TSBP1: variants seen among roughly 807,000 people sequenced by gnomAD.
The protein encoded by TSBP1 is testis expressed basic protein 1.
A neutral mutation model predicts 68.8 loss-of-function variants in TSBP1; 56 were observed. That is an observed-to-expected ratio of 0.81 (90% CI 0.66 to 1.02). The LOEUF (loss-of-function observed/expected upper bound fraction) is 1.02, where lower values mean the gene tolerates loss of function less well. TSBP1 is among the 50% of genes least tolerant of loss of function. The probability of loss-of-function intolerance (pLI) is 0.00; values close to 1 mark genes in which losing one functional copy is unlikely to be tolerated. For missense variants in TSBP1, 502 were observed against 641.2 expected (o/e 0.78, Z 2.34); for synonymous variants, 171 against 208.7 (o/e 0.82, Z 1.56).
rs1183442670 is a variant in TSBP1, at chr6:32,304,308, A to G, written c.581-1679T>C. Among the ~76,000 whole-genome samples the G allele has an allele frequency of 6.6e-6, 1 of 152,218 alleles. No homozygotes were observed. The highest frequency in any genetic ancestry group is 1.5e-5 in the Non-Finnish European group (1 of 68,030). On this transcript the variant is annotated intron_variant, in intron 19 of 22. Transcript: ENST00000612031. This position sits in a 1 kb window ranked among gnomAD's most constrained non-coding sequence, Gnocchi z 4.8. ...CAAAAGACCAGAGGAAACTGAGAAA[A>G]ACAGTAGGAGCTTACTGGTTGCTAT...
At chr6:32,366,762 C>CAAAAAAAAA (rs9257084) in intron 4 of TSBP1, among the ~76,000 whole-genome samples, 4 of 77,446 alleles carry the variant, frequency 5.2e-5, no homozygotes, top group Admixed American at 1.9e-4. Context: ...GACTCCGTCT[C>CAAAAAAAAA]AAAAAAAAAA....
Position 32,325,889 on chromosome 6 carries a change from G to A in TSBP1, c.515-2275C>T. ...GATCATGGAGGAAACTTCAGTGGTT[G>A]TGGTGGCTTTGGTGGCAGCTGTGGT... On this transcript the variant is annotated intron_variant, in intron 16 of 22. Coordinates refer to ENST00000612031, the Ensembl canonical transcript of TSBP1. The surrounding 1 kb of genome is among the most constrained non-coding windows in gnomAD (Gnocchi z 4.4). The A allele has an allele frequency of 1.3e-6, 2 of 1,509,678 alleles. No individual in the cohort carries two copies. The highest frequency in any genetic ancestry group is 1.8e-6 in the Non-Finnish European group (2 of 1,099,870). 93.5% of individuals were successfully genotyped at this position (1,509,678 alleles called of 1,614,324 possible).
chr6:32,333,000 ATGTTTTTTTTGTTGT>A (rs1769229037), intron 14 of TSBP1, among the ~76,000 whole-genome samples: 1 of 148,976 alleles, frequency 6.7e-6, no homozygotes. Context: ...AAAGCCTGTT[ATGTTTTTTTTGTTGT>A]TGTTTTTTTT....
intron 19 of TSBP1, among the ~76,000 whole-genome samples, chr6:32,305,292 G>T (rs543530222): frequency 9.2e-5 from 14 of 152,146 alleles, no homozygotes; most frequent in Non-Finnish European, 1.8e-4. Flanking sequence ...CAAGATAAGG[G>T]TAATCACTCC....
Position 32,335,921 on chromosome 6 carries a change from C to T in TSBP1, c.442G>A (p.Gly148Arg), listed in dbSNP as rs1769605376. The change falls in exon 13 of 23, where the codon GGA (glycine) becomes AGA (arginine). Residue 148 changes from glycine to arginine, a missense_variant. Coordinates refer to ENST00000612031, the Ensembl canonical transcript of TSBP1. This position sits in a 1 kb window ranked among gnomAD's most constrained non-coding sequence, Gnocchi z 5.5. ...CAGAGAGCAAACTTACTGATAGGTC[C>T]TGTAGCTCCGGCTGTGAGAGAGAAA... 6.2e-7 allele frequency: 1 copy of T among 1,609,378 alleles called. No individual in the cohort carries two copies. The highest frequency in any genetic ancestry group is 1.3e-5 in the African/African-American group (1 of 74,870).
rs576528927 is a variant in TSBP1, at chr6:32,334,440, T to C, written c.472+997A>G. Among the ~76,000 whole-genome samples the C allele has an allele frequency of 1.0e-3, 158 of 152,284 alleles. 2 individuals carry two copies. The highest frequency in any genetic ancestry group is 3.6e-3 in the African/African-American group (151 of 41,552). ...AACCTGTTATAACACCCAAAAATGA[T>C]AGTGGAAAGAATGAAGAGTTAGTAA... On this transcript the variant is annotated intron_variant, in intron 14 of 22. Coordinates refer to ENST00000612031, the Ensembl canonical transcript of TSBP1.
At chr6:32,322,920 T>TAA (rs3038462) in intron 18 of TSBP1, among the ~76,000 whole-genome samples, 197 bp downstream of exon 19, 50,611 of 151,728 alleles carry the variant, frequency 0.33, 9,500 homozygotes, top group Middle Eastern at 0.52. Flanking sequence ...CTCCTACTTG[T>TAA]TATTTCGTAG....
At chr6:32,345,858 C>G (rs542210316) in intron 9 of TSBP1, among the ~76,000 whole-genome samples, 5 of 152,250 alleles carry the variant, frequency 3.3e-5, no homozygotes, top group African/African-American at 1.2e-4. Flanking sequence ...TCAAGAGGGC[C>G]TCATCCATTC....
intron 9 of TSBP1, chr6:32,349,506 C>G (rs1052995541): frequency 6.4e-6 from 3 of 469,994 alleles, no homozygotes; most frequent in Non-Finnish European, 1.1e-5. Context: ...TTTTCCAACA[C>G]TTCAGGTTTG....
exon 23 of TSBP1, chr6:32,293,495 C>G (rs758772509): frequency 5.6e-6 from 9 of 1,610,666 alleles, no homozygotes; most frequent in Middle Eastern, 3.3e-4. Context: ...GGCTTCCTGT[C>G]CCTTTGAGAC....
In TSBP1 at chr6:32,315,202, A is replaced by G. The variant is rs6909790; in HGVS notation, c.580+570T>C. On this transcript the variant is annotated intron_variant, in intron 19 of 22. Coordinates refer to ENST00000612031, the Ensembl canonical transcript of TSBP1. This position sits in a 1 kb window ranked among gnomAD's most constrained non-coding sequence, Gnocchi z 5.4. ...TTCTATATTAAATATCATCATGGTC[A>G]ACGCTTGATCTGGTTTAAAAATTGA... Among the ~76,000 whole-genome samples the G allele has an allele frequency of 0.21, 31,995 of 152,052 alleles. 3,556 individuals are homozygous for G. Among genetic ancestry groups the G allele is most frequent in the East Asian group, 0.22 (1,150 of 5,170 alleles).
intron 18 of TSBP1, among the ~76,000 whole-genome samples, chr6:32,322,854 C>A (rs1165416825): frequency 6.6e-6 from 1 of 152,118 alleles, no homozygotes; most frequent in African/African-American, 2.4e-5. Context: ...TCCATTTAGA[C>A]ATCATTTTGG....
At chr6:32,324,816 C>A in intron 16 of TSBP1, 2 of 1,198,978 alleles carry the variant, frequency 1.7e-6, no homozygotes, top group Non-Finnish European at 2.3e-6. Flanking sequence ...CTAGAAATTT[C>A]CAGAAAACTA....
intron 16 of TSBP1, among the ~76,000 whole-genome samples, chr6:32,330,275 A>C (rs1311035383): frequency 6.6e-6 from 1 of 152,144 alleles, no homozygotes; most frequent in African/African-American, 2.4e-5. Context: ...TAGGCCCTTT[A>C]GAAACTACAA....
chr6:32,366,258 A>C lies in TSBP1; in HGVS notation c.196+15T>G, dbSNP rs572826853. The C allele has an allele frequency of 3.8e-6, 6 of 1,594,694 alleles. No homozygotes were observed. The African/African-American group carries it at 8.1e-5, about 22-fold the overall frequency. ...CAGACTCCTATATTAATTTCTTAGC[A>C]ATACAATAATTTACCACTTTGTGTT... On this transcript the variant is annotated intron_variant, in intron 5 of 22. Transcript: ENST00000612031.
intron 8 of TSBP1, among the ~76,000 whole-genome samples, chr6:32,352,327 T>C (rs1771811613): frequency 6.6e-6 from 1 of 151,978 alleles, no homozygotes; most frequent in Non-Finnish European, 1.5e-5. Flanking sequence ...TAAAAGTTAT[T>C]ATCTAGTCTT....
exon 2 of TSBP1, chr6:32,369,966 T>A: frequency 6.2e-7 from 1 of 1,612,040 alleles, no homozygotes; most frequent in East Asian, 2.2e-5. Context: ...AGAGTCAGGA[T>A]GACAGCCAAA....
At chr6:32,362,784 G>T (rs1253445930) in intron 6 of TSBP1, among the ~76,000 whole-genome samples, 1 of 152,174 alleles carries the variant, frequency 6.6e-6, no homozygotes, top group African/African-American at 2.4e-5. Context: ...TTACATTAAA[G>T]TCTTCAATCC....
chr6:32,366,071 T>TC (rs2127660490), intron 6 of TSBP1, 96 bp downstream of exon 6: 26 of 1,523,544 alleles, frequency 1.7e-5, no homozygotes, highest in African/African-American at 4.1e-5. Context: ...TTCTTCTTCT[T>TC]TTTTAAATTT....
Sources: allele counts gnomAD v4.1 joint callset (sites outside exome capture counted in the v4.1 genomes callset), GRCh38; gene constraint gnomAD v4.1.1; non-coding constraint Gnocchi (gnomAD v3.1); transcripts MANE v1.5; gene names NCBI Gene and HGNC (gene_info 2026-07-23, HGNC 2026-07-21).